Variants in ARHGEF19 observed in about 807,000 individuals in gnomAD.
ARHGEF19 encodes Rho guanine nucleotide exchange factor (GEF) 19.
A neutral mutation model predicts 87.6 loss-of-function variants in ARHGEF19; 92 were observed. The ratio of observed to expected loss-of-function variants is 1.05; its 90% CI spans 0.89 to 1.25. The LOEUF is 1.25. ARHGEF19 is among the 50% of genes most tolerant of loss of function. The probability of loss-of-function intolerance (pLI) is 0.00; values close to 1 mark genes in which losing one functional copy is unlikely to be tolerated. For missense variants in ARHGEF19, 1,054 were observed against 1,051.8 expected (o/e 1.00, Z -0.03); for synonymous variants, 438 against 446.2 (o/e 0.98, Z 0.23).
At chr1:16,210,300 G>A (rs908527474) in intron 1 of ARHGEF19, among the ~76,000 whole-genome samples, 23 of 152,120 alleles carry the variant, frequency 1.5e-4, no homozygotes, top group East Asian at 7.7e-4. Flanking sequence ...AGCAGGCAGC[G>A]GGCTGGGCGG....
Position 16,206,919 on chromosome 1 carries a change from C to A in ARHGEF19, c.1137+29G>T. ...GACCGCGTACTCCCCGGCCCGCCCC[C>A]GCCCCGCCGGGTCCCCGCGCGCGCC... On this transcript the variant is annotated intron_variant, in intron 6 of 15. Coordinates refer to ENST00000270747, the MANE Select transcript of ARHGEF19 (RefSeq NM_153213.5). The surrounding 1 kb of genome is among the most constrained non-coding windows in gnomAD (Gnocchi z 4.6). 6.9e-7 allele frequency: 1 copy of A among 1,439,026 alleles called. No homozygotes were observed. The highest frequency in any genetic ancestry group is 9.0e-7 in the Non-Finnish European group (1 of 1,105,844). The allele number at this position is 1,439,026 out of a possible 1,614,324, so 89.1% of individuals were successfully genotyped here.
In ARHGEF19 at chr1:16,208,853, C is replaced by G. The variant is rs2081171474; in HGVS notation, c.202G>C (p.Gly68Arg). The stretch of plus-strand genomic sequence containing the variant: ...AACCCTTGGAGAGGGGCAGGGGTCC[C>G]CAGGGACCAGCGGCTGCCAGGAGCC... The part of the protein sequence containing the change: ...LRAPGSRWSL[G>R]TPAPLQGLLW... Residue 68 changes from glycine (G) to arginine (R), a missense_variant, in exon 2 of 16, where the codon GGG becomes CGG. By Grantham distance (125) the Gly-to-Arg change is moderately radical. Transcript: ENST00000270747. 6.2e-7 allele frequency: 1 copy of G among 1,607,780 alleles called. No homozygotes were observed. Among genetic ancestry groups the G allele is most frequent in the Non-Finnish European group, 8.5e-7 (1 of 1,178,254 alleles).
Position 16,198,246 on chromosome 1 carries a change from C to T in ARHGEF19, c.*341G>A, listed in dbSNP as rs1418089882. ...CAGCACCATCAGCACCAGAACGTTC[C>T]CCAGCCAGGTCCCTGCCAGAAGGAC... On this transcript the variant is annotated 3_prime_UTR_variant, in exon 16 of 16. Coordinates refer to ENST00000270747, the MANE Select transcript of ARHGEF19 (RefSeq NM_153213.5). The surrounding 1 kb of genome is among the most constrained non-coding windows in gnomAD (Gnocchi z 4.1). 5 of 202,912 alleles carry T rather than the reference C, an allele frequency of 2.5e-5. No individual in the cohort carries two copies. The South Asian group carries it at 7.1e-4, about 29-fold the overall frequency. The allele number at this position is 202,912 out of a possible 1,614,324, so 12.6% of individuals were successfully genotyped here.
Position 16,208,753 on chromosome 1 carries a change from C to T in ARHGEF19, c.302G>A (p.Ser101Asn). ...CTGGGCACCAGGACAGTGTGGCCAGCTGCCAGCCCTGCTGGGCCGCATCCC... is the reference window on the plus strand; with the variant it reads ...CTGGGCACCAGGACAGTGTGGCCAGTTGCCAGCCCTGCTGGGCCGCATCCC... ...SGGMRPSRAG[S>N]WPHCPGAQPP... The change falls in exon 2 of 16, where the codon AGC becomes AAC. Residue 101 changes from serine to asparagine, a missense_variant. Coordinates refer to ENST00000270747, the MANE Select transcript of ARHGEF19 (RefSeq NM_153213.5). The T allele has an allele frequency of 6.2e-7, 1 of 1,612,042 alleles. No homozygotes were observed. The highest frequency in any genetic ancestry group is 8.5e-7 in the Non-Finnish European group (1 of 1,179,356).
chr1:16,207,184 C>A lies in ARHGEF19; in HGVS notation c.901G>T (p.Val301Leu), dbSNP rs2081147959. 12 of 1,531,500 alleles carry A rather than the reference C, an allele frequency of 7.8e-6. No individual in the cohort carries two copies. The highest frequency in any genetic ancestry group is 1.4e-5 in the African/African-American group (1 of 71,642). 94.9% of individuals were successfully genotyped at this position (1,531,500 alleles called of 1,614,324 possible). The change falls in exon 6 of 16, where the codon GTG (valine) becomes TTG (leucine). Residue 301 changes from valine (V) to leucine (L), a missense_variant. Transcript: ENST00000270747. This position sits in a 1 kb window ranked among gnomAD's most constrained non-coding sequence, Gnocchi z 4.0. ...CGCCGCAGTTCGCGGGCGCTGGCCA[C>A]GTCGCTGTATTCCTGATAGAGGACG... The part of the protein sequence containing the change: ...NSVLYQEYSD[V>L]ASARELRRQQ...
chr1:16,208,201 C>T lies in ARHGEF19; in HGVS notation c.437G>A (p.Arg146His), dbSNP rs139304863. 3 of 1,613,160 alleles carry T rather than the reference C, an allele frequency of 1.9e-6. No homozygotes were observed. Among genetic ancestry groups the T allele is most frequent in the Non-Finnish European group, 2.5e-6 (3 of 1,179,608 alleles). Residue 146 changes from arginine to histidine, a missense_variant, in exon 3 of 16, where the codon CGT becomes CAT. Arg to His is a conservative substitution (Grantham distance 29). Coordinates refer to ENST00000270747, the MANE Select transcript of ARHGEF19 (RefSeq NM_153213.5). ...SAWRKMRVYQ[R>H]EEVPGCPEAH... ...CTCGGGGCAGCCGGGGACCTCTTCA[C>T]GCTGGTACACCCGCATCTTGCGCCC...
intron 14 of ARHGEF19, among the ~76,000 whole-genome samples, chr1:16,199,732 A>G (rs957140270): frequency 1.7e-4 from 26 of 152,184 alleles, no homozygotes; most frequent in African/African-American, 6.3e-4. Context: ...CAGTCCTCTT[A>G]GAATAAAATC....
intron 2 of ARHGEF19, 51 bp downstream of exon 2, chr1:16,208,592 C>G: frequency 6.5e-7 from 1 of 1,538,776 alleles, no homozygotes. Flanking sequence ...CCAGCCCCTC[C>G]CCTATCCCCC....
chr1:16,207,088 C>A lies in ARHGEF19; in HGVS notation c.997G>T (p.Ala333Ser). ...GAEEGPGPPR[A>S]NLSPSSSFRA... ...AAGGAGCTGCTGGGGGAGAGGTTGG[C>A]CCGCGGCGGCCCCGGCCCCTCCTCT... The change falls in exon 6 of 16, where the codon GCC (alanine) becomes TCC (serine). Residue 333 changes from alanine to serine, a missense_variant. Physicochemically the swap from Ala to Ser is moderately conservative, Grantham distance 99. Transcript: ENST00000270747. The surrounding 1 kb of genome is among the most constrained non-coding windows in gnomAD (Gnocchi z 4.0). 1 of 1,506,488 alleles carries A rather than the reference C, an allele frequency of 6.6e-7. No individual in the cohort carries two copies. The highest frequency in any genetic ancestry group is 8.8e-7 in the Non-Finnish European group (1 of 1,130,788). 93.3% of individuals were successfully genotyped at this position (1,506,488 alleles called of 1,614,324 possible). A position where few individuals can be genotyped will look rare whatever the true frequency, so the allele number is the denominator to read the frequency against.
intron 14 of ARHGEF19, among the ~76,000 whole-genome samples, chr1:16,201,149 G>C (rs1248980461): frequency 6.6e-6 from 1 of 152,046 alleles, no homozygotes; most frequent in African/African-American, 2.4e-5. Flanking sequence ...TTGAGCCCAG[G>C]AGGTTGAGAC....
In ARHGEF19 at chr1:16,206,569, G is replaced by T. The variant is rs1245565192; in HGVS notation, c.1138-229C>A. 5 of 530,022 alleles carry T rather than the reference G, an allele frequency of 9.4e-6. No homozygotes were observed. Among genetic ancestry groups the T allele is most frequent in the African/African-American group, 2.1e-5 (1 of 46,594 alleles). The allele number at this position is 530,022 out of a possible 1,614,324, so 32.8% of individuals were successfully genotyped here. A position where few individuals can be genotyped will look rare whatever the true frequency, so the allele number is the denominator to read the frequency against. On this transcript the variant is annotated intron_variant, in intron 6 of 15. Coordinates refer to ENST00000270747, the MANE Select transcript of ARHGEF19 (RefSeq NM_153213.5). This position sits in a 1 kb window ranked among gnomAD's most constrained non-coding sequence, Gnocchi z 4.6. ...CCTCTCCTAAGCCCCGCCCCGACGC[G>T]TTCTTCCCAGAGCCCCGCCCACCCC...
intron 12 of ARHGEF19, 104 bp from the exon 13 acceptor site, chr1:16,202,678 G>T: frequency 7.0e-7 from 1 of 1,433,668 alleles, no homozygotes; most frequent in Non-Finnish European, 9.5e-7. Context: ...AGAAGGGGTT[G>T]CCTGCCCTGC....
At position 16,205,435 on chromosome 1, in the gene ARHGEF19, G is replaced by A. The variant is rs1403863762; in HGVS notation, c.1582-10C>T. The A allele has an allele frequency of 6.8e-6, 11 of 1,610,934 alleles. No individual in the cohort carries two copies. The highest frequency in any genetic ancestry group is 2.7e-5 in the African/African-American group (2 of 74,674). On this transcript the variant is annotated splice_polypyrimidine_tract_variant and intron_variant, in intron 9 of 15. Coordinates refer to ENST00000270747, the MANE Select transcript of ARHGEF19 (RefSeq NM_153213.5). This position sits in a 1 kb window ranked among gnomAD's most constrained non-coding sequence, Gnocchi z 5.8. Reference sequence around the variant, plus strand: ...TCCGCTTCAGGATGTTCTGGAAGGTGGGATCAGCACAATGAGGCAGTCCTC... The same window carrying A: ...TCCGCTTCAGGATGTTCTGGAAGGTAGGATCAGCACAATGAGGCAGTCCTC...
chr1:16,200,073 T>C (rs907111180), intron 14 of ARHGEF19, among the ~76,000 whole-genome samples: 11 of 152,180 alleles, frequency 7.2e-5, no homozygotes, highest in Non-Finnish European at 1.3e-4. Flanking sequence ...CACCTGGGAA[T>C]AGAGAGCTTA....
In ARHGEF19 at chr1:16,207,275, G is replaced by A; in HGVS notation, c.875-65C>T. On this transcript the variant is annotated intron_variant, in intron 5 of 15. Coordinates refer to ENST00000270747, the MANE Select transcript of ARHGEF19 (RefSeq NM_153213.5). This position sits in a 1 kb window ranked among gnomAD's most constrained non-coding sequence, Gnocchi z 4.0. ...CCAGCCCCTGCCCGGCTTTTCCTCG[G>A]TTCCCTCAAGAGCCCGCGTCACTTA... The A allele has an allele frequency of 6.9e-7, 1 of 1,456,764 alleles. No homozygotes were observed. The highest frequency in any genetic ancestry group is 2.7e-5 in the Admixed American group (1 of 37,632). 90.2% of individuals were successfully genotyped at this position (1,456,764 alleles called of 1,614,324 possible).
intron 1 of ARHGEF19, among the ~76,000 whole-genome samples, chr1:16,210,467 C>T (rs540149486): frequency 1.3e-5 from 2 of 152,286 alleles, no homozygotes; most frequent in South Asian, 4.1e-4. Context: ...ACCACTTAGC[C>T]AGTAACTGAG....
Position 16,206,800 on chromosome 1 carries a change from G to T in ARHGEF19, c.1137+148C>A. On this transcript the variant is annotated intron_variant, in intron 6 of 15. Transcript: ENST00000270747. This position sits in a 1 kb window ranked among gnomAD's most constrained non-coding sequence, Gnocchi z 4.6. ...GCTTCCAGACGGCCTCGTGTAGTCA[G>T]GTCCTAGAGCCAACCTTCCGCGCGG... The T allele has an allele frequency of 9.5e-7, 1 of 1,057,998 alleles. No individual in the cohort carries two copies. The highest frequency in any genetic ancestry group is 1.3e-6 in the Non-Finnish European group (1 of 780,460). The allele number at this position is 1,057,998 out of a possible 1,614,324, so 65.5% of individuals were successfully genotyped here. A position where few individuals can be genotyped will look rare whatever the true frequency, so the allele number is the denominator to read the frequency against.
At position 16,205,772 on chromosome 1, in the gene ARHGEF19, A is replaced by G. The variant is rs1180645049; in HGVS notation, c.1452-105T>C. The G allele has an allele frequency of 4.0e-6, 6 of 1,494,914 alleles. No homozygotes were observed. The highest frequency in any genetic ancestry group is 5.4e-6 in the Non-Finnish European group (6 of 1,118,084). The allele number at this position is 1,494,914 out of a possible 1,614,324, so 92.6% of individuals were successfully genotyped here. On this transcript the variant is annotated intron_variant, in intron 8 of 15. Transcript: ENST00000270747. This position sits in a 1 kb window ranked among gnomAD's most constrained non-coding sequence, Gnocchi z 5.8. ...TCAGGGGGCTTCTCAGCACATCCTTACTGCCCTTTGGGGTTGCATCTCACC... is the reference window on the plus strand; with the variant it reads ...TCAGGGGGCTTCTCAGCACATCCTTGCTGCCCTTTGGGGTTGCATCTCACC...
chr1:16,201,668 GA>G, intron 14 of ARHGEF19, 113 bp downstream of exon 14: 1 of 1,111,264 alleles, frequency 9.0e-7, no homozygotes, highest in Non-Finnish European at 1.3e-6. Flanking sequence ...GACTGCCCCA[GA>G]AGTTGGTCTC....
Sources: gnomAD v4.1 joint callset for allele counts (sites outside exome capture counted in the v4.1 genomes callset) on GRCh38, gnomAD v4.1.1 for gene constraint, Gnocchi (gnomAD v3.1) non-coding constraint, MANE v1.5 for transcripts, NCBI Gene and HGNC (gene_info 2026-07-23, HGNC 2026-07-21) for gene names.